The following HSD3B1 variants were observed in gnomAD, a reference collection of about 807,000 sequenced individuals.
HSD3B1 encodes 3 beta-hydroxysteroid dehydrogenase/Delta 5-->4-isomerase type 1.
A neutral mutation model predicts 10.4 loss-of-function variants in HSD3B1; 11 were observed. The observed-to-expected ratio is 1.05, with a 90% CI of 0.66 to 1.75. The LOEUF is 1.75. HSD3B1 is among the 40% of genes most tolerant of loss of function. HSD3B1 has a pLI of 0.00. For missense variants in HSD3B1, 490 were observed against 454.5 expected (o/e 1.08, Z -0.71); for synonymous variants, 217 against 185.4 (o/e 1.17, Z -1.39).
intron 2 of HSD3B1, chr1:119,507,902 C>T (rs587708217): frequency 3.3e-4 from 116 of 354,210 alleles, no homozygotes; most frequent in African/African-American, 2.3e-3. Flanking sequence ...GAAAATCCCA[C>T]ATCAGTTCTT....
Position 119,511,593 on chromosome 1 carries a change from T to A in HSD3B1, c.236T>A (p.Ile79Asn). The change falls in exon 3 of 4, where the codon ATC becomes AAC. Residue 79 changes from isoleucine (I) to asparagine (N), a missense_variant. Transcript: ENST00000369413. Reference protein sequence around the residue: ...LKRACQDVSVIIHTACIIDVF... With the variant: ...LKRACQDVSVNIHTACIIDVF... Reference sequence around the variant, plus strand: ...AGAGCCTGCCAGGACGTCTCGGTCATCATCCACACCGCCTGTATCATTGAT... The same window carrying A: ...AGAGCCTGCCAGGACGTCTCGGTCAACATCCACACCGCCTGTATCATTGAT... 6.2e-7 allele frequency: 1 copy of A among 1,613,754 alleles called. No individual in the cohort carries two copies. Among genetic ancestry groups the A allele is most frequent in the Non-Finnish European group, 8.5e-7 (1 of 1,179,726 alleles).
Position 119,514,870 on chromosome 1 carries a change from T to C in HSD3B1, c.*225T>C. 1 of 581,702 alleles carries C rather than the reference T, an allele frequency of 1.7e-6. No homozygotes were observed. Among genetic ancestry groups the C allele is most frequent in the Non-Finnish European group, 3.0e-6 (1 of 329,770 alleles). The allele number at this position is 581,702 out of a possible 1,614,324, so 36.0% of individuals were successfully genotyped here. On this transcript the variant is annotated 3_prime_UTR_variant, in exon 4 of 4. Transcript: ENST00000369413. Reference sequence around the variant, plus strand: ...ATCATATACCAGAGGAAAGACCATGTGGTTTGCTGTTACCAAATCTCAGTA... The same window carrying C: ...ATCATATACCAGAGGAAAGACCATGCGGTTTGCTGTTACCAAATCTCAGTA...
chr1:119,513,102 T>C (rs1034933304), intron 3 of HSD3B1, among the ~76,000 whole-genome samples: 3 of 152,134 alleles, frequency 2.0e-5, no homozygotes, highest in African/African-American at 2.4e-5. Flanking sequence ...CCACAGGAAA[T>C]GCCAGGGCAG....
chr1:119,507,470 G>A lies in HSD3B1; in HGVS notation c.-7G>A, dbSNP rs587724436. The A allele has an allele frequency of 6.2e-7, 1 of 1,613,626 alleles. No individual in the cohort carries two copies. The highest frequency in any genetic ancestry group is 8.5e-7 in the Non-Finnish European group (1 of 1,179,892). On this transcript the variant is annotated 5_prime_UTR_variant, in exon 2 of 4. Transcript: ENST00000369413. The stretch of plus-strand genomic sequence containing the variant: ...CTGGTGAGTGATTCCTGCTACTTTG[G>A]ATGGCCATGACGGGCTGGAGCTGCC...
Position 119,514,322 on chromosome 1 carries a change from A to G in HSD3B1, c.799A>G (p.Asn267Asp), listed in dbSNP as rs1328275906. Residue 267 changes from asparagine (N) to aspartate (D), a missense_variant, in exon 4 of 4, where the codon AAC (asparagine) becomes GAC (aspartate). By Grantham distance (23) the Asn-to-Asp change is conservative (BLOSUM62 1). Transcript: ENST00000369413. ...TGACACGCCTCACCAAAGCTATGAT[A>G]ACCTTAATTACACCCTGAGCAAAGA... ...SDDTPHQSYDNLNYTLSKEFG... is the reference protein window; with the variant it reads ...SDDTPHQSYDDLNYTLSKEFG... 6.2e-7 allele frequency: 1 copy of G among 1,614,094 alleles called. No individual in the cohort carries two copies. Among genetic ancestry groups the G allele is most frequent in the South Asian group, 1.1e-5 (1 of 91,070 alleles).
At chr1:119,508,965 C>T (rs997985760) in intron 2 of HSD3B1, among the ~76,000 whole-genome samples, 1 of 152,224 alleles carries the variant, frequency 6.6e-6, no homozygotes, top group Non-Finnish European at 1.5e-5. Context: ...CAGAAAAAAG[C>T]AATGCTCAGC....
chr1:119,513,806 AC>A, intron 3 of HSD3B1, 27 bp from the exon 4 acceptor site: 1 of 1,608,516 alleles, frequency 6.2e-7, no homozygotes, highest in Non-Finnish European at 8.5e-7. Flanking sequence ...ATATATCCTG[AC>A]AGTGACAATA....
Position 119,514,212 on chromosome 1 carries a change from C to T in HSD3B1, c.689C>T (p.Ala230Val), listed in dbSNP as rs1225174970. 1.2e-6 allele frequency: 2 copies of T among 1,614,010 alleles called. No individual in the cohort carries two copies. Among genetic ancestry groups the T allele is most frequent in the Non-Finnish European group, 1.7e-6 (2 of 1,180,016 alleles). ...AACCCAGTCTATGTTGGCAATGTGG[C>T]CTGGGCCCACATTCTGGCCTTGAGG... is the stretch of plus-strand genomic sequence containing the variant. ...TVNPVYVGNV[A>V]WAHILALRAL... The change falls in exon 4 of 4, where the codon GCC (alanine) becomes GTC (valine). Residue 230 changes from alanine (A) to valine (V), a missense_variant. Physicochemically the swap from Ala to Val is moderately conservative, Grantham distance 64. Coordinates refer to ENST00000369413, the MANE Select transcript of HSD3B1 (RefSeq NM_000862.3).
chr1:119,510,712 G>GCTTTCTTTTTTTTTTTTTTTT (rs1653907366), intron 2 of HSD3B1, among the ~76,000 whole-genome samples: 1 of 39,060 alleles, frequency 2.6e-5, no homozygotes, highest in Non-Finnish European at 7.0e-5. Context: ...TGCTTGTGTG[G>GCTTTCTTTTTTTTTTTTTTTT]TTTTCTTTTT....
chr1:119,514,541 T>G lies in HSD3B1; in HGVS notation c.1018T>G (p.Tyr340Asp). The change falls in exon 4 of 4, where the codon TAT becomes GAT. Residue 340 changes from tyrosine to aspartate, a missense_variant. Physicochemically the swap from Tyr to Asp is radical, Grantham distance 160. Transcript: ENST00000369413. ...TAAGAAGGCTCAGCGAGATCTGGCG[T>G]ATAAGCCACTCTACAGCTGGGAGGA... Reference protein sequence around the residue: ...SYKKAQRDLAYKPLYSWEEAK... With the variant: ...SYKKAQRDLADKPLYSWEEAK... 1.2e-6 allele frequency: 2 copies of G among 1,613,908 alleles called. No homozygotes were observed. The highest frequency in any genetic ancestry group is 8.5e-7 in the Non-Finnish European group (1 of 1,179,992).
At chr1:119,512,379 T>C (rs1325109971) in intron 3 of HSD3B1, among the ~76,000 whole-genome samples, 1 of 152,150 alleles carries the variant, frequency 6.6e-6, no homozygotes, top group Non-Finnish European at 1.5e-5. Flanking sequence ...GGCGTTTCCT[T>C]TCAAAGTATG....
intron 2 of HSD3B1, among the ~76,000 whole-genome samples, chr1:119,511,144 A>G (rs1271785229): frequency 1.3e-5 from 2 of 152,182 alleles, no homozygotes; most frequent in African/African-American, 4.8e-5. Flanking sequence ...CATTACTTAC[A>G]GAATTAACTT....
At chr1:119,509,207 G>T (rs1023727646) in intron 2 of HSD3B1, among the ~76,000 whole-genome samples, 1 of 152,144 alleles carries the variant, frequency 6.6e-6, no homozygotes, top group Non-Finnish European at 1.5e-5. Flanking sequence ...CTTTTTGAAG[G>T]TCCCACAGTT....
At chr1:119,513,683 C>G in intron 3 of HSD3B1, 151 bp from the exon 4 acceptor site, 2 of 776,196 alleles carry the variant, frequency 2.6e-6, no homozygotes, top group Admixed American at 4.6e-5. Context: ...GTAGTACGAC[C>G]AAATCTCAGA....
Position 119,514,810 on chromosome 1 carries a change from G to T in HSD3B1, c.*165G>T, listed in dbSNP as rs1001647666. The T allele has an allele frequency of 2.7e-6, 2 of 730,282 alleles. No individual in the cohort carries two copies. Among genetic ancestry groups the T allele is most frequent in the Non-Finnish European group, 4.7e-6 (2 of 429,140 alleles). The allele number at this position is 730,282 out of a possible 1,614,324, so 45.2% of individuals were successfully genotyped here. On this transcript the variant is annotated 3_prime_UTR_variant, in exon 4 of 4. Coordinates refer to ENST00000369413, the MANE Select transcript of HSD3B1 (RefSeq NM_000862.3). ...TATTCCTCATGTCATCAAAACCTGC[G>T]CAGTCATTGGCCCAACAAGAAGGTT...
In HSD3B1 at chr1:119,514,674, G is replaced by A. The variant is rs781005853; in HGVS notation, c.*29G>A. On this transcript the variant is annotated 3_prime_UTR_variant, in exon 4 of 4. Coordinates refer to ENST00000369413, the MANE Select transcript of HSD3B1 (RefSeq NM_000862.3). ...AAGGATGACAGAGATGTGCATGTGG[G>A]TATTGTTAGGAGATGTCATCAAGCT... 3 of 1,607,742 alleles carry A rather than the reference G, an allele frequency of 1.9e-6. No individual in the cohort carries two copies. The highest frequency in any genetic ancestry group is 1.7e-5 in the Admixed American group (1 of 59,290).
intron 3 of HSD3B1, 118 bp downstream of exon 3, chr1:119,511,785 T>C (rs768753550): frequency 8.3e-5 from 79 of 948,076 alleles, no homozygotes; most frequent in Non-Finnish European, 1.3e-4. Flanking sequence ...CCAAGTGCCT[T>C]TGCTGATCAC....
At chr1:119,513,354 C>G (rs587633174) in intron 3 of HSD3B1, among the ~76,000 whole-genome samples, 1 of 152,212 alleles carries the variant, frequency 6.6e-6, no homozygotes, top group South Asian at 2.1e-4. Flanking sequence ...TTTATATTGC[C>G]TATATACAAT....
chr1:119,514,146 A>G lies in HSD3B1; in HGVS notation c.623A>G (p.Asn208Ser). The change falls in exon 4 of 4, where the codon AAC becomes AGC. Residue 208 changes from asparagine to serine, a missense_variant. Transcript: ENST00000369413. The part of the protein sequence containing the change: ...LSASINEALN[N>S]NGILSSVGKF... ...GCTAGTATAAACGAGGCCCTGAACA[A>G]CAATGGGATCCTGTCAAGTGTTGGA... is the stretch of plus-strand genomic sequence containing the variant. 6.2e-7 allele frequency: 1 copy of G among 1,614,134 alleles called. No homozygotes were observed. The highest frequency in any genetic ancestry group is 8.5e-7 in the Non-Finnish European group (1 of 1,180,012).
Sources: allele counts gnomAD v4.1 joint callset (sites outside exome capture counted in the v4.1 genomes callset), GRCh38; gene constraint gnomAD v4.1.1; transcripts MANE v1.5; gene names NCBI Gene and HGNC (gene_info 2026-07-23, HGNC 2026-07-21).